ASB9: variants seen among roughly 807,000 people sequenced by gnomAD.
ASB9 encodes ankyrin repeat and SOCS box protein 9.
Under a neutral mutation model 16.6 loss-of-function variants are expected in ASB9, and 5 were observed. That is an observed-to-expected ratio of 0.30 (90% CI 0.16 to 0.63). The LOEUF is 0.63. ASB9 is among the 30% of genes least tolerant of loss of function. The pLI, the probability that ASB9 is intolerant of heterozygous loss-of-function variation, is 0.82. For synonymous variants in ASB9, 100 were observed against 86.4 expected, an observed-to-expected ratio of 1.16 and a Z score of -0.87; for missense variants, 216 against 229.4, an observed-to-expected ratio of 0.94 and a Z score of 0.38.
intron 3 of ASB9, 90 bp from the exon 4 acceptor site, chrX:15,252,494 T>A: frequency 1.1e-6 from 1 of 869,623 alleles, no homozygotes; most frequent in Non-Finnish European, 1.6e-6. Context: ...TTATTTAACA[T>A]CTCTGAGCCT....
intron 1 of ASB9, among the ~76,000 whole-genome samples, chrX:15,260,891 CA>C (rs1015879276): frequency 8.9e-6 from 1 of 112,136 alleles, no homozygotes; most frequent in African/African-American, 3.2e-5. Flanking sequence ...TATTAGTAAG[CA>C]AATTACCATT....
intron 3 of ASB9, among the ~76,000 whole-genome samples, chrX:15,252,875 C>G: frequency 8.9e-6 from 1 of 112,512 alleles, no homozygotes; most frequent in Middle Eastern, 4.6e-3. Context: ...AGAATTAACA[C>G]ATACCCAAGA....
At chrX:15,265,819 T>C (rs1173714254) in intron 1 of ASB9, among the ~76,000 whole-genome samples, 1 of 108,330 alleles carries the variant, frequency 9.2e-6, no homozygotes, top group Admixed American at 9.9e-5. Context: ...TTTTTTTTTT[T>C]TGAGACAGAG....
chrX:15,266,270 C>T (rs1926380801), intron 1 of ASB9, among the ~76,000 whole-genome samples: 2 of 112,134 alleles, frequency 1.8e-5, no homozygotes, highest in Non-Finnish European at 3.8e-5. Context: ...TCAATAAGCT[C>T]TCCAGGTGAT....
chrX:15,263,693 C>T (rs1409881163), intron 1 of ASB9, among the ~76,000 whole-genome samples: 1 of 111,159 alleles, frequency 9.0e-6, no homozygotes, highest in Non-Finnish European at 1.9e-5. Flanking sequence ...AGAAAACTCA[C>T]CCCTCCTGAG....
At chrX:15,244,682 TC>T in intron 6 of ASB9, 52 bp from the exon 7 acceptor site, 1 of 970,805 alleles carries the variant, frequency 1.0e-6, no homozygotes, top group Non-Finnish European at 1.3e-6. Flanking sequence ...GATCTAAGAC[TC>T]CTTTTTTTTA....
At chrX:15,252,524 A>C in intron 3 of ASB9, 120 bp from the exon 4 acceptor site, 1 of 717,988 alleles carries the variant, frequency 1.4e-6, no homozygotes, top group Non-Finnish European at 2.0e-6. Context: ...CAGCTATAAA[A>C]TGGAGAAATA....
chrX:15,250,386 A>G (rs1435411998), intron 5 of ASB9, 44 bp downstream of exon 5: 1 of 1,176,171 alleles, frequency 8.5e-7, no homozygotes, highest in South Asian at 1.8e-5. Flanking sequence ...CATTTAATTT[A>G]CTTTTCGTTT....
intron 3 of ASB9, 93 bp downstream of exon 3, chrX:15,254,644 A>G: frequency 1.6e-6 from 1 of 641,680 alleles, no homozygotes; most frequent in Non-Finnish European, 2.5e-6. Flanking sequence ...ATTTCAAATC[A>G]GTCTAATCAA....
At chrX:15,261,356 G>A (rs1213060724) in intron 1 of ASB9, among the ~76,000 whole-genome samples, 4 of 111,835 alleles carry the variant, frequency 3.6e-5, no homozygotes, top group African/African-American at 1.3e-4. Context: ...TATGTATGAT[G>A]ATTAATCCAC....
intron 1 of ASB9, among the ~76,000 whole-genome samples, 165 bp downstream of exon 1, chrX:15,269,616 T>C (rs919650535): frequency 8.9e-6 from 1 of 111,888 alleles, no homozygotes; most frequent in Non-Finnish European, 1.9e-5. Context: ...AGTATACACA[T>C]TTTTGAACAG....
chrX:15,255,686 A>G (rs1026245364), intron 2 of ASB9, among the ~76,000 whole-genome samples: 2 of 111,682 alleles, frequency 1.8e-5, no homozygotes, highest in Non-Finnish European at 3.8e-5. Context: ...CGTGGCCCAA[A>G]TTGCTAAGTT....
At chrX:15,262,309 C>T (rs772341030) in intron 1 of ASB9, among the ~76,000 whole-genome samples, 1 of 111,794 alleles carries the variant, frequency 8.9e-6, no homozygotes, top group East Asian at 2.8e-4. Context: ...TGAATATGCA[C>T]CTAAAAGAAT....
chrX:15,267,571 C>G (rs1328912837), intron 1 of ASB9, among the ~76,000 whole-genome samples: 2 of 88,552 alleles, frequency 2.3e-5, no homozygotes, highest in African/African-American at 4.2e-5. Context: ...GGTGAAACCC[C>G]GTCTCTACTA....
intron 3 of ASB9, among the ~76,000 whole-genome samples, chrX:15,253,419 A>T (rs1259633940): frequency 9.2e-6 from 1 of 109,260 alleles, no homozygotes; most frequent in African/African-American, 3.3e-5. Context: ...TGATAACATG[A>T]TGAAACCCCA....
intron 1 of ASB9, among the ~76,000 whole-genome samples, chrX:15,267,824 C>T (rs1926655023): frequency 9.2e-6 from 1 of 108,402 alleles, no homozygotes. Context: ...TCCTAGTTCT[C>T]CAAACTCATG....
At chrX:15,244,888 T>C (rs181768870) in intron 6 of ASB9, among the ~76,000 whole-genome samples, 1 of 111,824 alleles carries the variant, frequency 8.9e-6, no homozygotes, top group Non-Finnish European at 1.9e-5. Context: ...GCCTCACTAA[T>C]GGAGGCTTAA....
At chrX:15,257,409 AAAT>A (rs928149648) in intron 2 of ASB9, among the ~76,000 whole-genome samples, 23 of 110,003 alleles carry the variant, frequency 2.1e-4, no homozygotes, top group South Asian at 1.9e-3. Flanking sequence ...CATCTCAAAA[AAAT>A]AATAATAATA....
intron 1 of ASB9, among the ~76,000 whole-genome samples, chrX:15,262,773 A>G (rs1479661583): frequency 3.6e-5 from 4 of 111,958 alleles, no homozygotes; most frequent in African/African-American, 6.5e-5. Flanking sequence ...CTGGGACTAC[A>G]GGTGCACACC....
Sources: allele counts gnomAD v4.1 joint callset (sites outside exome capture counted in the v4.1 genomes callset), GRCh38; gene constraint gnomAD v4.1.1; transcripts MANE v1.5; gene names NCBI Gene and HGNC (gene_info 2026-07-23, HGNC 2026-07-21).